Variants in BRINP3 observed in about 807,000 individuals in gnomAD.
The protein encoded by BRINP3 is BMP/retinoic acid inducible neural specific 3.
BRINP3 carries 19 observed loss-of-function variants against 71.0 expected under a neutral mutation model. The observed-to-expected ratio is 0.27, with a 90% confidence interval of 0.19 to 0.39. The LOEUF (loss-of-function observed/expected upper bound fraction) is 0.39, where lower values mean the gene tolerates loss of function less well. BRINP3 is among the 10% of genes least tolerant of loss of function. The pLI is 1.00. For missense variants in BRINP3, 959 were observed against 940.8 expected (o/e 1.02, Z -0.25); for synonymous variants, 380 against 337.7 (o/e 1.13, Z -1.37).
intron 6 of BRINP3, among the ~76,000 whole-genome samples, chr1:190,190,220 A>C (rs1472317905): frequency 6.6e-6 from 1 of 152,048 alleles, no homozygotes; most frequent in Non-Finnish European, 1.5e-5. Context: ...AGGTTTTTGC[A>C]AATGCTGGGC....
intron 2 of BRINP3, among the ~76,000 whole-genome samples, chr1:190,304,101 G>A (rs763158824): frequency 3.3e-5 from 5 of 151,636 alleles, no homozygotes; most frequent in East Asian, 3.9e-4. Flanking sequence ...CCACTAACTC[G>A]TTTTATGAAC....
chr1:190,239,180 G>A (rs1658817574), intron 4 of BRINP3, among the ~76,000 whole-genome samples: 1 of 151,974 alleles, frequency 6.6e-6, no homozygotes, highest in South Asian at 2.1e-4. Context: ...CATCATGTGG[G>A]GATTACATTT....
rs530054961 is a variant in BRINP3 at position 190,132,211 on chromosome 1, A to G, written c.1184+28457T>C. On this transcript the variant is annotated intron_variant, in intron 7 of 7. Transcript: ENST00000367462. ...CATACTCTTCTGCCTATAGCCTCCT[A>G]TAGATGGGTAATTTACCTAGAAACT... Among the ~76,000 whole-genome samples, 14 of 152,194 alleles carry G rather than the reference A, an allele frequency of 9.2e-5. No homozygotes were observed. In the South Asian group the frequency reaches 2.5e-3, roughly 27 times the overall value.
At chr1:190,130,299 T>C (rs1036113950) in intron 7 of BRINP3, among the ~76,000 whole-genome samples, 8 of 152,082 alleles carry the variant, frequency 5.3e-5, no homozygotes, top group African/African-American at 1.9e-4. Flanking sequence ...TGGGCCAAAC[T>C]CTTCATGCTG....
At chr1:190,353,583 A>G (rs1187823320) in intron 2 of BRINP3, among the ~76,000 whole-genome samples, 1 of 152,062 alleles carries the variant, frequency 6.6e-6, no homozygotes, top group East Asian at 1.9e-4. Flanking sequence ...TGGCTATCAA[A>G]GTTTCTTGAT....
chr1:190,382,271 A>T (rs759787251), intron 2 of BRINP3, among the ~76,000 whole-genome samples: 7 of 152,090 alleles, frequency 4.6e-5, no homozygotes, highest in Admixed American at 6.6e-5. Context: ...ATTACTTCAC[A>T]CTTAGAAATC....
At chr1:190,298,738 T>C (rs1348270882) in intron 2 of BRINP3, among the ~76,000 whole-genome samples, 1 of 152,116 alleles carries the variant, frequency 6.6e-6, no homozygotes, top group African/African-American at 2.4e-5. Context: ...ACTCTTAATA[T>C]GCTCTATTTC....
chr1:190,340,802 C>A (rs927627140), intron 2 of BRINP3, among the ~76,000 whole-genome samples: 4 of 151,626 alleles, frequency 2.6e-5, no homozygotes, highest in African/African-American at 9.7e-5. Flanking sequence ...ACTTGGTCCT[C>A]AGCTCAATCC....
In BRINP3 at chr1:190,440,625, T is replaced by G. The variant is rs779131216; in HGVS notation, c.236+14030A>C. Among the ~76,000 whole-genome samples, 45 of 152,052 alleles carry G rather than the reference T, an allele frequency of 3.0e-4. 1 individual carries two copies. Among genetic ancestry groups the G allele is most frequent in the African/African-American group, 1.1e-3 (45 of 41,550 alleles). ...CTCAAAGACAGAAGGCTGATAAAATTTTATACATTTGTACAAAGAGTAAAT... is the reference window on the plus strand; with the variant it reads ...CTCAAAGACAGAAGGCTGATAAAATGTTATACATTTGTACAAAGAGTAAAT... On this transcript the variant is annotated intron_variant, in intron 2 of 7. Coordinates refer to ENST00000367462, the MANE Select transcript of BRINP3 (RefSeq NM_199051.3).
intron 7 of BRINP3, among the ~76,000 whole-genome samples, chr1:190,151,053 C>T (rs761621769): frequency 2.6e-5 from 4 of 151,814 alleles, no homozygotes; most frequent in Non-Finnish European, 4.4e-5. Flanking sequence ...AGGGTAAGGC[C>T]ATAGAATCGC....
chr1:190,382,542 G>A lies in BRINP3; in HGVS notation c.236+72113C>T, dbSNP rs1200508823. Among the ~76,000 whole-genome samples, 4 of 152,022 alleles carry A rather than the reference G, an allele frequency of 2.6e-5. No homozygotes were observed. The East Asian group carries it at 5.8e-4, about 22-fold the overall frequency. ...TGATTTATTTAAAGGTGAGGAAAAC[G>A]GACACTCATTCCTTAATCTTCCCGA... On this transcript the variant is annotated intron_variant, in intron 2 of 7. Coordinates refer to ENST00000367462, the MANE Select transcript of BRINP3 (RefSeq NM_199051.3).
At chr1:190,439,411 A>T (rs1254250615) in intron 2 of BRINP3, among the ~76,000 whole-genome samples, 1 of 151,976 alleles carries the variant, frequency 6.6e-6, no homozygotes, top group Non-Finnish European at 1.5e-5. Context: ...AAAGCGTGGC[A>T]TAAGACTATT....
chr1:190,416,363 T>C (rs981175437), intron 2 of BRINP3, among the ~76,000 whole-genome samples: 11 of 152,150 alleles, frequency 7.2e-5, no homozygotes, highest in Admixed American at 1.3e-4. Context: ...ATAGTGCTTA[T>C]ATGACCCCCT....
intron 3 of BRINP3, among the ~76,000 whole-genome samples, chr1:190,279,402 C>A (rs1662870893): frequency 1.3e-5 from 2 of 151,810 alleles, no homozygotes; most frequent in Admixed American, 6.6e-5. Context: ...TGTCCCATCA[C>A]ATAGGTGTTA....
intron 7 of BRINP3, among the ~76,000 whole-genome samples, chr1:190,106,312 CATA>C (rs1432535035): frequency 2.0e-5 from 3 of 151,454 alleles, no homozygotes; most frequent in Non-Finnish European, 3.0e-5. Flanking sequence ...ATGTTTATTT[CATA>C]ATTTTATTAT....
At chr1:190,419,817 G>T (rs541275429) in intron 2 of BRINP3, among the ~76,000 whole-genome samples, 1 of 151,224 alleles carries the variant, frequency 6.6e-6, no homozygotes, top group African/African-American at 2.4e-5. Context: ...CAAAATACTG[G>T]TGTATCAAAC....
intron 2 of BRINP3, among the ~76,000 whole-genome samples, chr1:190,385,150 C>A (rs1196896224): frequency 1.3e-5 from 2 of 152,032 alleles, no homozygotes; most frequent in Admixed American, 6.6e-5. Context: ...TAGGCATTAC[C>A]ATTCAGAACA....
intron 2 of BRINP3, among the ~76,000 whole-genome samples, chr1:190,423,922 G>A (rs1302110248): frequency 6.6e-6 from 1 of 151,724 alleles, no homozygotes; most frequent in Admixed American, 6.6e-5. Flanking sequence ...GCAAGTTTAT[G>A]TTAACCTAGT....
chr1:190,327,487 GAAAAA>G (rs59406863), intron 2 of BRINP3, among the ~76,000 whole-genome samples: 2 of 126,824 alleles, frequency 1.6e-5, no homozygotes, highest in African/African-American at 2.9e-5. Context: ...CAAACAAAAA[GAAAAA>G]AAAAAAAAAG....
Sources: allele counts gnomAD v4.1 joint callset (sites outside exome capture counted in the v4.1 genomes callset), GRCh38; gene constraint gnomAD v4.1.1; transcripts MANE v1.5; gene names NCBI Gene and HGNC (gene_info 2026-07-23, HGNC 2026-07-21).